The following CSGALNACT1 variants were observed in gnomAD, a reference collection of about 807,000 sequenced individuals.
The protein encoded by CSGALNACT1 is chondroitin sulfate N-acetylgalactosaminyltransferase 1.
Under a neutral mutation model 51.0 loss-of-function variants are expected in CSGALNACT1, and 52 were observed. The observed-to-expected ratio is 1.02, with a 90% CI of 0.82 to 1.29. The LOEUF (loss-of-function observed/expected upper bound fraction) is 1.29. CSGALNACT1 is among the 50% of genes most tolerant of loss of function. CSGALNACT1 has a pLI of 0.00. For missense variants in CSGALNACT1, 935 were observed against 679.2 expected (o/e 1.38, Z -4.19); for synonymous variants, 341 against 254.4 (o/e 1.34, Z -3.24).
chr8:19,680,441 A>C (rs1441209862), intron 1 of CSGALNACT1, among the ~76,000 whole-genome samples: 1 of 151,726 alleles, frequency 6.6e-6, no homozygotes, highest in African/African-American at 2.4e-5. Context: ...CTGTAATCCC[A>C]GCTACCTGGG....
chr8:19,412,122 C>T (rs373874134), intron 8 of CSGALNACT1, among the ~76,000 whole-genome samples: 27 of 152,288 alleles, frequency 1.8e-4, no homozygotes, highest in African/African-American at 6.0e-4. Flanking sequence ...CATGGGCCAC[C>T]GCACCCAGCC....
chr8:19,404,193 C>T (rs774111927), exon 10 of CSGALNACT1: 1 of 375,080 alleles, frequency 2.7e-6, no homozygotes, highest in South Asian at 2.1e-5. Context: ...ATTAGCTGTG[C>T]AATACCACCT....
intron 1 of CSGALNACT1, among the ~76,000 whole-genome samples, chr8:19,638,672 T>A (rs2056395243): frequency 6.6e-6 from 1 of 151,938 alleles, no homozygotes; most frequent in South Asian, 2.1e-4. Context: ...TTGAAAGAAG[T>A]GATCATATAA....
chr8:19,550,412 C>T (rs2087699973), intron 3 of CSGALNACT1, among the ~76,000 whole-genome samples: 1 of 152,326 alleles, frequency 6.6e-6, no homozygotes, highest in East Asian at 1.9e-4. Flanking sequence ...AGTCCAACTC[C>T]TCACTGAATT....
intron 6 of CSGALNACT1, among the ~76,000 whole-genome samples, 176 bp downstream of exon 5, chr8:19,439,654 G>T (rs567645633): frequency 1.3e-5 from 2 of 152,330 alleles, no homozygotes; most frequent in African/African-American, 2.4e-5. Flanking sequence ...GTCAGACAGG[G>T]TAGTCTCCTG....
intron 1 of CSGALNACT1, among the ~76,000 whole-genome samples, chr8:19,676,716 G>T (rs902296552): frequency 6.6e-6 from 1 of 152,168 alleles, no homozygotes; most frequent in African/African-American, 2.4e-5. Context: ...GGAGGAAAAA[G>T]CCTCGGGAGC....
intron 4 of CSGALNACT1, among the ~76,000 whole-genome samples, chr8:19,504,881 G>C (rs919121170): frequency 2.6e-5 from 4 of 152,150 alleles, no homozygotes; most frequent in African/African-American, 9.7e-5. Context: ...GTTACTAGAA[G>C]TGCCCTGTCA....
intron 3 of CSGALNACT1, among the ~76,000 whole-genome samples, chr8:19,582,042 A>T (rs1171773501): frequency 6.6e-6 from 1 of 152,232 alleles, no homozygotes; most frequent in East Asian, 1.9e-4. Context: ...TGTTACCCAA[A>T]TGAGTCCTAG....
At chr8:19,461,863 T>C (rs2065602829) in intron 4 of CSGALNACT1, among the ~76,000 whole-genome samples, 1 of 146,274 alleles carries the variant, frequency 6.8e-6, no homozygotes, top group African/African-American at 2.5e-5. Flanking sequence ...ACATTCACCA[T>C]GGAGGGCGTA....
At chr8:19,536,756 A>C (rs1285502987) in intron 3 of CSGALNACT1, among the ~76,000 whole-genome samples, 1 of 152,228 alleles carries the variant, frequency 6.6e-6, no homozygotes, top group African/African-American at 2.4e-5. Flanking sequence ...TAGTTTCAAG[A>C]ATTATTATAC....
chr8:19,525,339 C>T lies in CSGALNACT1; in HGVS notation c.-296-19209G>A, dbSNP rs573254511. On this transcript the variant is annotated intron_variant, in intron 3 of 9. Coordinates refer to ENST00000454498, the Ensembl canonical transcript of CSGALNACT1. Reference sequence around the variant, plus strand: ...TGCAGAATGGCTGGGCATGGTGGCCCATTCCTGTAATCTCAGCACTTTGGG... The same window carrying T: ...TGCAGAATGGCTGGGCATGGTGGCCTATTCCTGTAATCTCAGCACTTTGGG... Among the ~76,000 whole-genome samples the T allele has an allele frequency of 3.3e-5, 5 of 152,092 alleles. No homozygotes were observed. In the East Asian group the frequency reaches 7.7e-4, roughly 24 times the overall value.
chr8:19,452,549 T>G (rs542085239), intron 5 of CSGALNACT1, among the ~76,000 whole-genome samples: 150 of 152,238 alleles, frequency 9.9e-4, no homozygotes, highest in African/African-American at 3.4e-3. Flanking sequence ...TGATGACATA[T>G]ATGCATCTCC....
rs537002045 is a variant in CSGALNACT1, at chr8:19,546,183, T to C, written c.-296-40053A>G. On this transcript the variant is annotated intron_variant, in intron 3 of 9. Coordinates refer to ENST00000454498, the Ensembl canonical transcript of CSGALNACT1. Reference sequence around the variant, plus strand: ...AATTCAGCAGAATATATTTTTAGTATGCTTTGCCCAATTTCCATATTCACT... The same window carrying C: ...AATTCAGCAGAATATATTTTTAGTACGCTTTGCCCAATTTCCATATTCACT... Among the ~76,000 whole-genome samples, 24 of 152,336 alleles carry C rather than the reference T, an allele frequency of 1.6e-4. 1 individual carries two copies. In the South Asian group the frequency reaches 4.6e-3, roughly 29 times the overall value.
chr8:19,416,961 C>T (rs1358696405), intron 8 of CSGALNACT1, among the ~76,000 whole-genome samples: 1 of 151,978 alleles, frequency 6.6e-6, no homozygotes, highest in African/African-American at 2.4e-5. Context: ...CTCCCAGGCT[C>T]AAGCGATTTT....
At chr8:19,753,630 T>A (rs2065179468) in intron 1 of CSGALNACT1, among the ~76,000 whole-genome samples, 1 of 152,168 alleles carries the variant, frequency 6.6e-6, no homozygotes, top group Non-Finnish European at 1.5e-5. Context: ...TACCTCAGCC[T>A]CCCAAGTAGC....
chr8:19,624,956 C>A (rs1026312165), intron 1 of CSGALNACT1, among the ~76,000 whole-genome samples: 1 of 152,210 alleles, frequency 6.6e-6, no homozygotes, highest in African/African-American at 2.4e-5. Flanking sequence ...GGATTACAGG[C>A]GTGAGCCACT....
chr8:19,744,142 G>A (rs1040227080), intron 1 of CSGALNACT1, among the ~76,000 whole-genome samples: 2 of 152,128 alleles, frequency 1.3e-5, no homozygotes, highest in African/African-American at 4.8e-5. Flanking sequence ...AATCAGGCTC[G>A]ATAAGGAGTA....
At chr8:19,602,855 ATGT>A (rs956125495), upstream of CSGALNACT1, 50 of 152,106 alleles carry the variant, frequency 3.3e-4, no homozygotes, top group African/African-American at 1.1e-3. Context: ...CATGTCAATA[ATGT>A]TGTCTTCAAT....
intron 1 of CSGALNACT1, among the ~76,000 whole-genome samples, chr8:19,638,357 C>A (rs2056355310): frequency 6.6e-6 from 1 of 152,082 alleles, no homozygotes; most frequent in Non-Finnish European, 1.5e-5. Flanking sequence ...AAAGCACTGC[C>A]CCAAGTGGCG....
Sources: gnomAD v4.1 joint callset for allele counts (sites outside exome capture counted in the v4.1 genomes callset) on GRCh38, gnomAD v4.1.1 for gene constraint, MANE v1.5 for transcripts, NCBI Gene and HGNC (gene_info 2026-07-23, HGNC 2026-07-21) for gene names.